The following SPRING1 variants were observed in gnomAD, a reference collection of about 807,000 sequenced individuals.
SPRING1 encodes the protein SREBF pathway regulator in golgi 1, also known as SREBP regulating gene protein.
A neutral mutation model predicts 24.7 loss-of-function variants in SPRING1; 14 were observed. The ratio of observed to expected loss-of-function variants is 0.57; its 90% confidence interval spans 0.37 to 0.88. SPRING1 has a LOEUF of 0.88. Ranked by LOEUF, SPRING1 falls within the 40% of genes least tolerant of loss-of-function variation. The probability of loss-of-function intolerance (pLI) is 0.00; values close to 1 mark genes in which losing one functional copy is unlikely to be tolerated. For missense variants in SPRING1, 255 were observed against 268.4 expected, an observed-to-expected ratio of 0.95 and a Z score of 0.35; for synonymous variants, 93 against 106.1, an observed-to-expected ratio of 0.88 and a Z score of 0.76.
intron 1 of SPRING1, among the ~76,000 whole-genome samples, chr12:116,736,039 TAAAAAAAAAAAAAA>T (rs34397599): frequency 2.8e-5 from 1 of 35,588 alleles, no homozygotes; most frequent in Non-Finnish European, 5.0e-5. Flanking sequence ...ACTCAGTCTT[TAAAAAAAAAAAAAA>T]AAAAAAAAAA....
rs1387824881 is a variant in SPRING1, at chr12:116,737,902, CCGGCGCGGACGTG to C, written c.-15_-3del. On this transcript the variant is annotated 5_prime_UTR_variant, in exon 1 of 5. Coordinates refer to ENST00000261318, the MANE Select transcript of SPRING1 (RefSeq NM_024738.4). Reference sequence around the variant, plus strand: ...CACCATGGCCGCCAGGTTCACCATCCCGGCGCGGACGTGGGGCGCGGCGGCCGGGGCGCGGAAC... The same window carrying C: ...CACCATGGCCGCCAGGTTCACCATCCGGGCGCGGCGGCCGGGGCGCGGAAC... 6.4e-7 allele frequency: 1 copy of C among 1,551,826 alleles called. No individual in the cohort carries two copies.
intron 1 of SPRING1, among the ~76,000 whole-genome samples, chr12:116,735,944 G>A (rs1397197838): frequency 6.7e-6 from 1 of 149,124 alleles, no homozygotes; most frequent in Non-Finnish European, 1.5e-5. Context: ...AGAAGGCTGA[G>A]GCAGGAGAAT....
intron 1 of SPRING1, among the ~76,000 whole-genome samples, chr12:116,726,518 G>A (rs955456278): frequency 6.6e-6 from 1 of 152,126 alleles, no homozygotes; most frequent in Non-Finnish European, 1.5e-5. Context: ...GGAGGGGGGC[G>A]GTTATACAAA....
intron 1 of SPRING1, among the ~76,000 whole-genome samples, chr12:116,724,346 G>C (rs1187442628): frequency 6.6e-6 from 1 of 152,186 alleles, no homozygotes; most frequent in South Asian, 2.1e-4. Flanking sequence ...AGGAAACTCA[G>C]GTCTGTCCTA....
At position 116,723,205 on chromosome 12, in the gene SPRING1, C is replaced by A. The variant is rs758863098; in HGVS notation, c.130G>T (p.Asp44Tyr). ...TCATGAACCTGGAGGAGATTCCTATCTCTCACTGCCCTCTCCTCCTGCAAA... is the reference window on the plus strand; with the variant it reads ...TCATGAACCTGGAGGAGATTCCTATATCTCACTGCCCTCTCCTCCTGCAAA... ...TFKQEERAVR[D>Y]RNLLQVHDHN... The change falls in exon 2 of 5, where the codon GAT becomes TAT. Residue 44 changes from aspartate to tyrosine, a missense_variant. Coordinates refer to ENST00000261318, the MANE Select transcript of SPRING1 (RefSeq NM_024738.4). 2.0e-5 allele frequency: 32 copies of A among 1,614,144 alleles called. No homozygotes were observed. The highest frequency in any genetic ancestry group is 2.7e-5 in the Non-Finnish European group (32 of 1,180,034).
At chr12:116,737,735 AGGGG>A in intron 1 of SPRING1, 51 bp downstream of exon 1, 2 of 1,379,080 alleles carry the variant, frequency 1.5e-6, no homozygotes, top group Non-Finnish European at 1.9e-6. Context: ...AAGTAAAGTA[AGGGG>A]GAGGAAGGAA....
intron 1 of SPRING1, 143 bp downstream of exon 1, chr12:116,737,647 G>A: frequency 2.1e-6 from 2 of 940,860 alleles, no homozygotes; most frequent in Non-Finnish European, 2.9e-6. Flanking sequence ...AAGGGAAGGG[G>A]AGAAAGAAAG....
rs1414746364 is a variant in SPRING1 at position 116,714,501 on chromosome 12, T to A, written c.*3309A>T. On this transcript the variant is annotated 3_prime_UTR_variant, in exon 5 of 5. Transcript: ENST00000261318. ...AAAAGCTGTGGAGCTCACCCATCAA[T>A]AGCAGCTCCATGCCGGGCGCAGTGG... is the stretch of plus-strand genomic sequence containing the variant. The A allele has an allele frequency of 6.6e-6, 1 of 152,310 alleles. No individual in the cohort carries two copies. Among genetic ancestry groups the A allele is most frequent in the African/African-American group, 2.4e-5 (1 of 41,454 alleles). 9.4% of individuals were successfully genotyped at this position (152,310 alleles called of 1,614,324 possible).
chr12:116,728,909 C>A lies in SPRING1; in HGVS notation c.112-5686G>T, dbSNP rs1352088846. Among the ~76,000 whole-genome samples, 1 of 152,202 alleles carries A rather than the reference C, an allele frequency of 6.6e-6. No homozygotes were observed. Among genetic ancestry groups the A allele is most frequent in the Non-Finnish European group, 1.5e-5 (1 of 68,038 alleles). On this transcript the variant is annotated intron_variant, in intron 1 of 4. Transcript: ENST00000261318. The surrounding 1 kb of genome is among the most constrained non-coding windows in gnomAD (Gnocchi z 4.2). ...CTCAAAAGCCTTTGGTCCTGGAACC[C>A]TTTCTAATCTTAAAAATTACTGAGG...
chr12:116,722,879 C>G (rs1310098708), intron 2 of SPRING1, among the ~76,000 whole-genome samples, 188 bp downstream of exon 2: 1 of 152,204 alleles, frequency 6.6e-6, no homozygotes, highest in East Asian at 1.9e-4. Flanking sequence ...TCAAAACAAG[C>G]TTCTCTGATG....
rs751260629 is a variant in SPRING1, at chr12:116,723,109, G to A, written c.226C>T (p.Arg76Cys). Residue 76 changes from arginine to cysteine, a missense_variant, in exon 2 of 5, where the codon CGC becomes TGC. Transcript: ENST00000261318. ...AGGTGCTTCCCTTGAATGGAGTTGC[G>A]GCACTGATTGCTCGGACGACTGCTA... ...GNSSRPSNQC[R>C]NSIQGKHLIT... 3.7e-6 allele frequency: 6 copies of A among 1,612,776 alleles called. No individual in the cohort carries two copies. The highest frequency in any genetic ancestry group is 1.7e-5 in the Admixed American group (1 of 60,026).
At chr12:116,729,930 C>T (rs1440907629) in intron 1 of SPRING1, among the ~76,000 whole-genome samples, 3 of 152,164 alleles carry the variant, frequency 2.0e-5, no homozygotes, top group African/African-American at 4.8e-5. Context: ...GACGGAGTCT[C>T]GCTCTGTCGC....
chr12:116,719,823 G>A lies in SPRING1; in HGVS notation c.474C>T (p.Leu158=). The A allele has an allele frequency of 1.2e-6, 2 of 1,614,222 alleles. No homozygotes were observed. The highest frequency in any genetic ancestry group is 2.2e-5 in the South Asian group (2 of 91,086). The change falls in exon 4 of 5, where the codon CTC becomes CTT. Residue 158 remains leucine, a synonymous_variant. Transcript: ENST00000261318. ...LNRAAVAFQN[L]FMAVEDHFEL... Reference sequence around the variant, plus strand: ...CAAAGTGATCTTCGACTGCCATGAAGAGGTTCTGGAATGCCACGGCTGCCC... The same window carrying A: ...CAAAGTGATCTTCGACTGCCATGAAAAGGTTCTGGAATGCCACGGCTGCCC...
Position 116,713,875 on chromosome 12 carries a change from A to G in SPRING1, c.*3935T>C, listed in dbSNP as rs1055506574. 4 of 152,190 alleles carry G rather than the reference A, an allele frequency of 2.6e-5. No homozygotes were observed. Among genetic ancestry groups the G allele is most frequent in the African/African-American group, 9.7e-5 (4 of 41,442 alleles). The allele number at this position is 152,190 out of a possible 1,614,324, so 9.4% of individuals were successfully genotyped here. On this transcript the variant is annotated 3_prime_UTR_variant, in exon 5 of 5. Transcript: ENST00000261318. ...AATGCGCTTCTCTCTAGGTTGTGTG[A>G]TTTTAGGTTATCCTAAGTTTCATCC...
intron 1 of SPRING1, among the ~76,000 whole-genome samples, chr12:116,736,093 A>G (rs12578254): frequency 1.7e-5 from 2 of 120,098 alleles, no homozygotes; most frequent in Non-Finnish European, 3.4e-5. Context: ...GTCGTATTTT[A>G]CCACAATAAA....
rs1018244889 is a variant in SPRING1, at chr12:116,733,398, G to T, written c.111+4392C>A. ...AGGGTTTCACCGTGTTAGCCAGGAT[G>T]ATCTCAATCTCCTGACCTCATGATC... On this transcript the variant is annotated intron_variant, in intron 1 of 4. Coordinates refer to ENST00000261318, the MANE Select transcript of SPRING1 (RefSeq NM_024738.4). Among the ~76,000 whole-genome samples, 14 of 142,466 alleles carry T rather than the reference G, an allele frequency of 9.8e-5. 2 individuals carry two copies. The highest frequency in any genetic ancestry group is 1.7e-4 in the Non-Finnish European group (11 of 65,154). 93.5% of individuals were successfully genotyped at this position (142,466 alleles called of 152,430 possible). A position where few individuals can be genotyped will look rare whatever the true frequency, so the allele number is the denominator to read the frequency against.
chr12:116,724,378 G>C (rs1188817245), intron 1 of SPRING1, among the ~76,000 whole-genome samples: 1 of 152,172 alleles, frequency 6.6e-6, no homozygotes. Flanking sequence ...AATGTATAGG[G>C]AAATACAAGG....
chr12:116,720,187 T>C lies in SPRING1; in HGVS notation c.420+109A>G. ...CAATTTCTGACACCTACAAAGCTCC[T>C]TTCTAAGTTTTATTTTCAGAGGAAT... On this transcript the variant is annotated intron_variant, in intron 3 of 4. Transcript: ENST00000261318. The surrounding 1 kb of genome is among the most constrained non-coding windows in gnomAD (Gnocchi z 4.0). 1.5e-6 allele frequency: 2 copies of C among 1,374,682 alleles called. No individual in the cohort carries two copies. Among genetic ancestry groups the C allele is most frequent in the Admixed American group, 3.0e-5 (1 of 33,272 alleles). 85.2% of individuals were successfully genotyped at this position (1,374,682 alleles called of 1,614,324 possible).
At chr12:116,724,252 A>C (rs1303878231) in intron 1 of SPRING1, among the ~76,000 whole-genome samples, 1 of 152,196 alleles carries the variant, frequency 6.6e-6, no homozygotes, top group Non-Finnish European at 1.5e-5. Flanking sequence ...AAAGATCTTT[A>C]TCGTTACTAA....
Sources: allele counts gnomAD v4.1 joint callset (sites outside exome capture counted in the v4.1 genomes callset), GRCh38; gene constraint gnomAD v4.1.1; non-coding constraint Gnocchi (gnomAD v3.1); transcripts MANE v1.5; gene names NCBI Gene and HGNC (gene_info 2026-07-23, HGNC 2026-07-21).